AGR3: variants seen among roughly 807,000 people sequenced by gnomAD.
AGR3 encodes anterior gradient protein 3.
A neutral mutation model predicts 24.5 loss-of-function variants in AGR3; 37 were observed. That is an observed-to-expected ratio of 1.51 (90% CI 1.16 to 1.99). The LOEUF (loss-of-function observed/expected upper bound fraction) is 1.99. AGR3 is among the 30% of genes most tolerant of loss of function. The probability of loss-of-function intolerance (pLI) is 0.00; values close to 1 mark genes in which losing one functional copy is unlikely to be tolerated. For synonymous variants in AGR3, 75 were observed against 61.6 expected, an observed-to-expected ratio of 1.22 and a Z score of -1.02; for missense variants, 228 against 191.1, an observed-to-expected ratio of 1.19 and a Z score of -1.14.
At chr7:16,878,015 C>A (rs1285820731) in intron 2 of AGR3, among the ~76,000 whole-genome samples, 3 of 152,106 alleles carry the variant, frequency 2.0e-5, no homozygotes, top group Non-Finnish European at 4.4e-5. Context: ...TCTAAAACCA[C>A]TGTCTTCCAG....
In AGR3 at chr7:16,865,716, C is replaced by G. The variant is rs1781746369; in HGVS notation, c.174-3054G>C. ...TACTTTGTTGCTCTTAGTAGAAACT[C>G]TTTGCAAACTGCTATCTGAGACTGA... On this transcript the variant is annotated intron_variant, in intron 3 of 7. Coordinates refer to ENST00000310398, the MANE Select transcript of AGR3 (RefSeq NM_176813.5). 5 of 767,212 alleles carry G rather than the reference C, an allele frequency of 6.5e-6. No homozygotes were observed. In the East Asian group the frequency reaches 1.2e-4, roughly 19 times the overall value. The allele number at this position is 767,212 out of a possible 1,614,324, so 47.5% of individuals were successfully genotyped here. A position where few individuals can be genotyped will look rare whatever the true frequency, so the allele number is the denominator to read the frequency against.
At chr7:16,855,179 T>C (rs1781539315), downstream of AGR3, among the ~76,000 whole-genome samples, 1 of 152,218 alleles carries the variant, frequency 6.6e-6, no homozygotes, top group South Asian at 2.1e-4. Context: ...TGTTGGTTAC[T>C]ATAGTCATCC....
At chr7:16,875,657 G>A (rs112400077) in intron 2 of AGR3, among the ~76,000 whole-genome samples, 6 of 152,058 alleles carry the variant, frequency 3.9e-5, no homozygotes, top group African/African-American at 1.2e-4. Context: ...TGGTCACTCT[G>A]TATTTAGCTT....
At chr7:16,863,679 C>A (rs1781692275) in intron 3 of AGR3, among the ~76,000 whole-genome samples, 1 of 151,926 alleles carries the variant, frequency 6.6e-6, no homozygotes, top group Non-Finnish European at 1.5e-5. Context: ...CAAGTATCTA[C>A]ATTTTGCTTT....
chr7:16,871,408 C>A (rs868861845), intron 3 of AGR3, among the ~76,000 whole-genome samples: 1 of 151,912 alleles, frequency 6.6e-6, no homozygotes, highest in Non-Finnish European at 1.5e-5. Context: ...TTTTTTGATT[C>A]ATCAATGAGG....
At chr7:16,877,529 T>C (rs562917179) in intron 2 of AGR3, among the ~76,000 whole-genome samples, 2 of 151,906 alleles carry the variant, frequency 1.3e-5, no homozygotes, top group African/African-American at 2.4e-5. Context: ...AATAATTCTG[T>C]TCCTACTTCT....
downstream of AGR3, among the ~76,000 whole-genome samples, chr7:16,859,140 A>G (rs1482851204): frequency 1.3e-5 from 2 of 152,034 alleles, no homozygotes; most frequent in East Asian, 1.9e-4. Flanking sequence ...GCTCAGGCCT[A>G]TAATCTCAGC....
intron 1 of AGR3, among the ~76,000 whole-genome samples, chr7:16,879,685 T>G (rs1158481099): frequency 6.6e-6 from 1 of 152,242 alleles, no homozygotes; most frequent in African/African-American, 2.4e-5. Context: ...CCAAAATGGC[T>G]AGTGACTGAT....
rs1562544908 is a variant in AGR3 at position 16,862,050 on chromosome 7, T to C, written c.237A>G (p.Lys79=). Residue 79 remains lysine (K), a synonymous_variant, in exon 5 of 8, where the codon AAA becomes AAG. Transcript: ENST00000310398. ...GTATTTCTTCATTTTGGGCAAATACTTTCTTTAGTGCTATAGGGGAAAACA... is the reference window on the plus strand; with the variant it reads ...GTATTTCTTCATTTTGGGCAAATACCTTCTTTAGTGCTATAGGGGAAAACA... The part of the protein sequence containing the change: ...EDCQYSQALK[K]VFAQNEEIQE... 1 of 1,613,474 alleles carries C rather than the reference T, an allele frequency of 6.2e-7. No individual in the cohort carries two copies. The highest frequency in any genetic ancestry group is 8.5e-7 in the Non-Finnish European group (1 of 1,179,550).
chr7:16,856,827 A>C (rs1781560932), downstream of AGR3, among the ~76,000 whole-genome samples: 1 of 150,256 alleles, frequency 6.7e-6, no homozygotes, highest in Non-Finnish European at 1.5e-5. Flanking sequence ...ACACACACAC[A>C]CCTATATGTA....
At chr7:16,875,502 G>C (rs999128693) in intron 2 of AGR3, among the ~76,000 whole-genome samples, 1 of 151,792 alleles carries the variant, frequency 6.6e-6, no homozygotes, top group Non-Finnish European at 1.5e-5. Flanking sequence ...TTATTTATCT[G>C]TTCATCAGTT....
chr7:16,867,826 G>T (rs1436139402), intron 3 of AGR3, among the ~76,000 whole-genome samples: 1 of 152,116 alleles, frequency 6.6e-6, no homozygotes, highest in Non-Finnish European at 1.5e-5. Context: ...GTGAACATGG[G>T]AGTGCAGATA....
chr7:16,860,702 A>G, intron 6 of AGR3, 119 bp from the exon 7 acceptor site: 2 of 675,894 alleles, frequency 3.0e-6, no homozygotes, highest in South Asian at 3.9e-5. Context: ...TGTTACACAG[A>G]TATATTGTGT....
intron 2 of AGR3, among the ~76,000 whole-genome samples, chr7:16,877,030 C>T (rs936619282): frequency 6.6e-6 from 1 of 151,692 alleles, no homozygotes; most frequent in Non-Finnish European, 1.5e-5. Context: ...CTTTTTCATT[C>T]CTTTCTTTTG....
At position 16,861,467 on chromosome 7, in the gene AGR3, AAAG is replaced by A; in HGVS notation, c.304-23_304-21del. ...TTCATGCTAGCAGGAGAAGAAAAAAAAAGAATGTTATTGGATTCATTTGTTTTT... is the reference window on the plus strand; with the variant it reads ...TTCATGCTAGCAGGAGAAGAAAAAAAAATGTTATTGGATTCATTTGTTTTT... On this transcript the variant is annotated intron_variant, in intron 5 of 7. Coordinates refer to ENST00000310398, the MANE Select transcript of AGR3 (RefSeq NM_176813.5). 1 of 1,590,420 alleles carries A rather than the reference AAAG, an allele frequency of 6.3e-7. No individual in the cohort carries two copies. The highest frequency in any genetic ancestry group is 2.2e-5 in the East Asian group (1 of 44,656).
chr7:16,871,894 C>A (rs747123971), intron 3 of AGR3, among the ~76,000 whole-genome samples: 24 of 151,874 alleles, frequency 1.6e-4, no homozygotes, highest in Non-Finnish European at 3.1e-4. Context: ...AATATATTAA[C>A]CAAGGAGGTG....
chr7:16,862,088 A>G (rs1781661718), intron 4 of AGR3, 28 bp from the exon 5 acceptor site: 1 of 1,532,526 alleles, frequency 6.5e-7, no homozygotes, highest in African/African-American at 1.4e-5. Context: ...ATTGCCAGTT[A>G]GTTTTAAGGA....
chr7:16,880,052 CCCTTCCCCTTCCTT>C (rs537802846), intron 1 of AGR3, among the ~76,000 whole-genome samples: 15 of 131,046 alleles, frequency 1.1e-4, no homozygotes, highest in South Asian at 2.4e-4. Context: ...CTCCCTCCTT[CCCTTCCCCTTCCTT>C]CCTTCCCCTT....
At chr7:16,867,273 T>C (rs1189631874) in intron 3 of AGR3, among the ~76,000 whole-genome samples, 1 of 152,198 alleles carries the variant, frequency 6.6e-6, no homozygotes, top group Non-Finnish European at 1.5e-5. Flanking sequence ...AATTATTACA[T>C]AATCTGTCTC....
Sources: gnomAD v4.1 joint callset for allele counts (sites outside exome capture counted in the v4.1 genomes callset) on GRCh38, gnomAD v4.1.1 for gene constraint, MANE v1.5 for transcripts, NCBI Gene and HGNC (gene_info 2026-07-23, HGNC 2026-07-21) for gene names.